Variants in GRM7 observed in about 807,000 individuals in gnomAD.
The protein encoded by GRM7 is metabotropic glutamate receptor 7.
In GRM7, 35 loss-of-function variants were observed where a neutral mutation model predicts 84.5. That is an observed-to-expected ratio of 0.41 (90% CI 0.32 to 0.55). The LOEUF is 0.55. GRM7 is among the 20% of genes least tolerant of loss of function. The probability of loss-of-function intolerance (pLI) is 0.19; values close to 1 mark genes in which losing one functional copy is unlikely to be tolerated. For missense variants in GRM7, 1,003 were observed against 1,194.6 expected, an observed-to-expected ratio of 0.84 and a Z score of 2.36; for synonymous variants, 487 against 455.1, an observed-to-expected ratio of 1.07 and a Z score of -0.89.
chr3:7,140,582 T>C (rs570801375), intron 1 of GRM7, among the ~76,000 whole-genome samples: 6 of 152,050 alleles, frequency 3.9e-5, no homozygotes, highest in Admixed American at 2.0e-4. Flanking sequence ...TAATGTGCTG[T>C]TGTGAGGATT....
intron 4 of GRM7, among the ~76,000 whole-genome samples, chr3:7,356,209 A>G (rs1271422770): frequency 6.6e-6 from 1 of 152,156 alleles, no homozygotes; most frequent in Admixed American, 6.5e-5. Flanking sequence ...GGAGAAGTAT[A>G]TGAATAGACT....
intron 4 of GRM7, among the ~76,000 whole-genome samples, chr3:7,400,042 G>A (rs150138471): frequency 1.4e-3 from 219 of 152,256 alleles, no homozygotes; most frequent in African/African-American, 5.0e-3. Flanking sequence ...CCTAGAAATC[G>A]TTAAGGCTCA....
intron 7 of GRM7, among the ~76,000 whole-genome samples, chr3:7,470,721 G>GA (rs1448479316): frequency 2.0e-5 from 3 of 151,898 alleles, no homozygotes; most frequent in African/African-American, 7.2e-5. Context: ...AAATATATAT[G>GA]AAAAAAGAAA....
chr3:7,374,637 C>G (rs1450096373), intron 4 of GRM7, among the ~76,000 whole-genome samples: 1 of 146,584 alleles, frequency 6.8e-6, no homozygotes, highest in Non-Finnish European at 1.5e-5. Context: ...CGCCACCATA[C>G]CTGGCCATTT....
chr3:7,338,150 G>A (rs1701498089), intron 4 of GRM7, among the ~76,000 whole-genome samples: 1 of 143,504 alleles, frequency 7.0e-6, no homozygotes, highest in South Asian at 2.2e-4. Flanking sequence ...ACACCCCATG[G>A]AATACTATTC....
At position 7,486,332 on chromosome 3, in the gene GRM7, T is replaced by C. The variant is rs1449658975; in HGVS notation, c.1515+24610T>C. Among the ~76,000 whole-genome samples, 1 of 152,168 alleles carries C rather than the reference T, an allele frequency of 6.6e-6. No homozygotes were observed. The highest frequency in any genetic ancestry group is 1.5e-5 in the Non-Finnish European group (1 of 68,026). On this transcript the variant is annotated intron_variant, in intron 7 of 9. Coordinates refer to ENST00000357716, the MANE Select transcript of GRM7 (RefSeq NM_000844.4). This position sits in a 1 kb window ranked among gnomAD's most constrained non-coding sequence, Gnocchi z 5.5. Reference sequence around the variant, plus strand: ...AGGTAGGAAGACTATTTTATTTGTTTCTATCTCTGCTATGATTTGAATATG... The same window carrying C: ...AGGTAGGAAGACTATTTTATTTGTTCCTATCTCTGCTATGATTTGAATATG...
At chr3:7,310,174 T>C (rs1209761428) in intron 4 of GRM7, among the ~76,000 whole-genome samples, 1 of 152,134 alleles carries the variant, frequency 6.6e-6, no homozygotes, top group East Asian at 1.9e-4. Flanking sequence ...TTTCATCTCT[T>C]CCATACTCAT....
At chr3:6,882,538 C>T (rs1330042010) in intron 1 of GRM7, among the ~76,000 whole-genome samples, 2 of 151,436 alleles carry the variant, frequency 1.3e-5, no homozygotes, top group South Asian at 4.1e-4. Flanking sequence ...ACAGCAAGAC[C>T]TTGTTTCCCA....
chr3:7,051,592 A>T (rs1306041596), intron 1 of GRM7, among the ~76,000 whole-genome samples: 1 of 151,798 alleles, frequency 6.6e-6, no homozygotes, highest in Non-Finnish European at 1.5e-5. Flanking sequence ...CCTTAGGAAA[A>T]GTTGACTTGA....
At chr3:7,485,533 CT>C (rs1699288644) in intron 7 of GRM7, among the ~76,000 whole-genome samples, 1 of 152,180 alleles carries the variant, frequency 6.6e-6, no homozygotes, top group Non-Finnish European at 1.5e-5. Flanking sequence ...TTATACATAC[CT>C]TTTCCTTTTG....
chr3:7,019,492 T>C (rs1695695025), intron 1 of GRM7, among the ~76,000 whole-genome samples: 1 of 152,196 alleles, frequency 6.6e-6, no homozygotes, highest in African/African-American at 2.4e-5. Context: ...ATGTATTTAT[T>C]GCTCATGTCT....
chr3:7,068,825 AC>A (rs1344009432), intron 1 of GRM7, among the ~76,000 whole-genome samples: 3 of 151,846 alleles, frequency 2.0e-5, no homozygotes, highest in East Asian at 3.9e-4. Flanking sequence ...CCTCAAAAAA[AC>A]CCCTGATATA....
intron 8 of GRM7, among the ~76,000 whole-genome samples, chr3:7,587,250 C>A (rs1695561565): frequency 1.3e-5 from 2 of 152,258 alleles, no homozygotes; most frequent in South Asian, 4.2e-4. Flanking sequence ...TGCCAACTGG[C>A]CTATTTGCAC....
At chr3:7,322,333 T>C (rs1201078038) in intron 4 of GRM7, among the ~76,000 whole-genome samples, 1 of 152,108 alleles carries the variant, frequency 6.6e-6, no homozygotes, top group African/African-American at 2.4e-5. Context: ...CTGCTGAAAT[T>C]TGGATTTCAT....
At chr3:7,479,728 G>C (rs1001912962) in intron 7 of GRM7, among the ~76,000 whole-genome samples, 1 of 152,058 alleles carries the variant, frequency 6.6e-6, no homozygotes, top group African/African-American at 2.4e-5. Flanking sequence ...AGAAACCAGA[G>C]GTCCCCAACT....
intron 1 of GRM7, among the ~76,000 whole-genome samples, chr3:7,053,030 A>G (rs1191535964): frequency 6.7e-6 from 1 of 149,692 alleles, no homozygotes; most frequent in Non-Finnish European, 1.5e-5. Flanking sequence ...TTAGCATGCC[A>G]GTTGGTCAGT....
At chr3:7,698,382 A>G (rs1483428730) in intron 9 of GRM7, among the ~76,000 whole-genome samples, 13 of 152,236 alleles carry the variant, frequency 8.5e-5, no homozygotes, top group Admixed American at 8.5e-4. Context: ...TCATTTAATT[A>G]TACAACTGTA....
At chr3:7,090,297 T>C (rs1362716378) in intron 1 of GRM7, among the ~76,000 whole-genome samples, 2 of 151,928 alleles carry the variant, frequency 1.3e-5, no homozygotes, top group African/African-American at 2.4e-5. Flanking sequence ...CAAGAAAGAT[T>C]AGTGTGAAAA....
chr3:6,962,227 C>A (rs1463709873), intron 1 of GRM7, among the ~76,000 whole-genome samples: 1 of 152,142 alleles, frequency 6.6e-6, no homozygotes, highest in African/African-American at 2.4e-5. Flanking sequence ...TCATTTTTGT[C>A]CCCGCACTTG....
Sources: gnomAD v4.1 joint callset for allele counts (sites outside exome capture counted in the v4.1 genomes callset) on GRCh38, gnomAD v4.1.1 for gene constraint, Gnocchi (gnomAD v3.1) non-coding constraint, MANE v1.5 for transcripts, NCBI Gene and HGNC (gene_info 2026-07-23, HGNC 2026-07-21) for gene names.